SNX10: variants seen among roughly 807,000 people sequenced by gnomAD.
SNX10 encodes the protein sorting nexin-10.
In SNX10, 25 loss-of-function variants were observed where a neutral mutation model predicts 28.5. That is an observed-to-expected ratio of 0.88 (90% confidence interval 0.64 to 1.22). The LOEUF is 1.22. Among genes scored for constraint, SNX10 ranks in the 50% most tolerant of loss-of-function variants. The probability of loss-of-function intolerance (pLI) is 0.00; values close to 1 mark genes in which losing one functional copy is unlikely to be tolerated. For synonymous variants in SNX10, 62 were observed against 81.4 expected, an observed-to-expected ratio of 0.76 and a Z score of 1.28; for missense variants, 223 against 242.6, an observed-to-expected ratio of 0.92 and a Z score of 0.54.
intron 2 of SNX10, among the ~76,000 whole-genome samples, chr7:26,356,777 G>A (rs901768233): frequency 3.3e-5 from 5 of 152,088 alleles, no homozygotes; most frequent in African/African-American, 1.2e-4. Context: ...GTTCTTTAGG[G>A]TGCTAGAAAA....
chr7:26,323,214 C>T (rs1329537935), intron 1 of SNX10, among the ~76,000 whole-genome samples: 2 of 152,092 alleles, frequency 1.3e-5, no homozygotes, highest in Non-Finnish European at 2.9e-5. Flanking sequence ...CACGCCACTG[C>T]ACTCCAGCCT....
At chr7:26,315,498 C>A (rs1787045503) in intron 1 of SNX10, among the ~76,000 whole-genome samples, 1 of 151,810 alleles carries the variant, frequency 6.6e-6, no homozygotes, top group African/African-American at 2.4e-5. Context: ...GAAACCCCGT[C>A]TCTACTAAAA....
At chr7:26,314,177 A>T (rs1454880976) in intron 1 of SNX10, among the ~76,000 whole-genome samples, 1 of 152,178 alleles carries the variant, frequency 6.6e-6, no homozygotes, top group African/African-American at 2.4e-5. Context: ...TTCCTTTTTA[A>T]TCTTGTTAGA....
intron 1 of SNX10, among the ~76,000 whole-genome samples, chr7:26,323,598 A>G (rs13223339): frequency 0.34 from 51,307 of 152,034 alleles, 10,736 homozygotes; most frequent in South Asian, 0.48. Context: ...TAGTCATGGC[A>G]AGGGATTTAC....
chr7:26,340,390 G>A (rs1331937970), intron 1 of SNX10, among the ~76,000 whole-genome samples: 1 of 152,184 alleles, frequency 6.6e-6, no homozygotes, highest in Non-Finnish European at 1.5e-5. Flanking sequence ...AGGAGATGCA[G>A]AGACCCTGTG....
rs139515879 is a variant in SNX10, at chr7:26,300,961, G to T, written c.-24+8875G>T. On this transcript the variant is annotated intron_variant, in intron 1 of 6. Transcript: ENST00000338523. ...TTGAGCCTGGGAGGTGGAGGTGGCAGTGAGCCGAGATTGTACCACTGCACT... is the reference window on the plus strand; with the variant it reads ...TTGAGCCTGGGAGGTGGAGGTGGCATTGAGCCGAGATTGTACCACTGCACT... 5.8e-3 allele frequency among the ~76,000 whole-genome samples: 833 copies of T among 142,602 alleles called. 8 individuals are homozygous for T. The highest frequency in any genetic ancestry group is 0.048 in the Middle Eastern group (12 of 252). The allele number at this position is 142,602 out of a possible 152,430, so 93.6% of individuals were successfully genotyped here.
At chr7:26,311,905 CGAG>C (rs1786867734) in intron 1 of SNX10, among the ~76,000 whole-genome samples, 1 of 142,872 alleles carries the variant, frequency 7.0e-6, no homozygotes, top group Non-Finnish European at 1.5e-5. Context: ...GAGGCAGTGT[CGAG>C]GAGATAAGAG....
chr7:26,336,037 ATTC>A (rs1787929384), intron 1 of SNX10, among the ~76,000 whole-genome samples: 1 of 152,200 alleles, frequency 6.6e-6, no homozygotes, highest in Non-Finnish European at 1.5e-5. Context: ...GGCCTGGAAT[ATTC>A]TTAAGAGATG....
intron 2 of SNX10, among the ~76,000 whole-genome samples, chr7:26,349,344 T>C (rs900126770): frequency 1.7e-5 from 1 of 57,546 alleles, no homozygotes; most frequent in East Asian, 7.6e-4. Context: ...AATTTAGTAA[T>C]TTTTTTTTTT....
chr7:26,316,452 A>C (rs184588379), intron 1 of SNX10, among the ~76,000 whole-genome samples: 1 of 151,958 alleles, frequency 6.6e-6, no homozygotes, highest in African/African-American at 2.4e-5. Flanking sequence ...CTGTTCCTTA[A>C]CTCTTGTGGC....
chr7:26,331,380 G>T (rs1314168540), intron 1 of SNX10, among the ~76,000 whole-genome samples: 1 of 152,138 alleles, frequency 6.6e-6, no homozygotes, highest in Non-Finnish European at 1.5e-5. Context: ...AAGCCCAGGA[G>T]TTCCAGACCA....
chr7:26,298,980 A>G (rs1334866443), intron 1 of SNX10, among the ~76,000 whole-genome samples: 1 of 152,148 alleles, frequency 6.6e-6, no homozygotes, highest in African/African-American at 2.4e-5. Context: ...ATACCAACAC[A>G]CTGGGGGTTA....
chr7:26,357,320 A>G (rs1297046137), intron 2 of SNX10, among the ~76,000 whole-genome samples: 1 of 135,474 alleles, frequency 7.4e-6, no homozygotes, highest in Non-Finnish European at 1.6e-5. Context: ...AGAAGAAAAG[A>G]GAAGATTAAA....
intron 1 of SNX10, 96 bp from the exon 2 acceptor site, chr7:26,346,324 G>A (rs544142396): frequency 2.3e-5 from 18 of 788,198 alleles, no homozygotes; most frequent in Middle Eastern, 2.7e-4. Context: ...GGGCGGGGGG[G>A]GCTCTGTCAG....
intron 1 of SNX10, among the ~76,000 whole-genome samples, chr7:26,335,414 T>C (rs1297464180): frequency 6.6e-6 from 1 of 152,206 alleles, no homozygotes; most frequent in Non-Finnish European, 1.5e-5. Flanking sequence ...GAGGGAGCCA[T>C]TGCCCAGCCC....
chr7:26,358,630 G>A (rs903060508), intron 2 of SNX10, among the ~76,000 whole-genome samples: 4 of 151,814 alleles, frequency 2.6e-5, no homozygotes, highest in Non-Finnish European at 5.9e-5. Context: ...TCCAGCTACT[G>A]GGGGCGGGGT....
In SNX10 at chr7:26,373,067, CA is replaced by C. The variant is rs1789636692; in HGVS notation, c.*499del. The C allele has an allele frequency of 6.6e-6, 1 of 152,438 alleles. No homozygotes were observed. The highest frequency in any genetic ancestry group is 2.4e-5 in the African/African-American group (1 of 41,436). The allele number at this position is 152,438 out of a possible 1,614,324, so 9.4% of individuals were successfully genotyped here. A position where few individuals can be genotyped will look rare whatever the true frequency, so the allele number is the denominator to read the frequency against. ...TTTGTGGATACCTCCCCTGCACTGG[CA>C]AAACACTATGCTTTTGGGTGTTAGA... On this transcript the variant is annotated 3_prime_UTR_variant, in exon 7 of 7. Transcript: ENST00000338523. This position sits in a 1 kb window ranked among gnomAD's most constrained non-coding sequence, Gnocchi z 4.2.
intron 1 of SNX10, among the ~76,000 whole-genome samples, chr7:26,326,234 A>ATACCT (rs1787500185): frequency 6.6e-6 from 1 of 152,196 alleles, no homozygotes; most frequent in African/African-American, 2.4e-5. Flanking sequence ...AGAGAACTAA[A>ATACCT]TACCTTGGCT....
At chr7:26,345,908 G>A (rs1282494351) in intron 1 of SNX10, among the ~76,000 whole-genome samples, 1 of 152,136 alleles carries the variant, frequency 6.6e-6, no homozygotes, top group African/African-American at 2.4e-5. Flanking sequence ...GAAGGTCAGA[G>A]TCAAGGTCCT....
Sources: gnomAD v4.1 joint callset for allele counts (sites outside exome capture counted in the v4.1 genomes callset) on GRCh38, gnomAD v4.1.1 for gene constraint, Gnocchi (gnomAD v3.1) non-coding constraint, MANE v1.5 for transcripts, NCBI Gene and HGNC (gene_info 2026-07-23, HGNC 2026-07-21) for gene names.